The following PDE1A variants were observed in gnomAD, a reference collection of about 807,000 sequenced individuals.
PDE1A encodes the protein dual specificity calcium/calmodulin-dependent 3',5'-cyclic nucleotide phosphodiesterase 1A.
A neutral mutation model predicts 61.7 loss-of-function variants in PDE1A; 35 were observed. The ratio of observed to expected loss-of-function variants is 0.57; its 90% CI spans 0.43 to 0.75. The LOEUF (loss-of-function observed/expected upper bound fraction) is 0.75, where lower values mean the gene tolerates loss of function less well. Ranked by LOEUF, PDE1A falls within the 30% of genes least tolerant of loss-of-function variation. The pLI is 0.00. For missense variants in PDE1A, 597 were observed against 630.6 expected, an observed-to-expected ratio of 0.95 and a Z score of 0.57; for synonymous variants, 232 against 213.2, an observed-to-expected ratio of 1.09 and a Z score of -0.77.
intron 1 of PDE1A, among the ~76,000 whole-genome samples, chr2:182,299,820 T>C (rs1421958896): frequency 6.6e-6 from 1 of 152,170 alleles, no homozygotes; most frequent in Non-Finnish European, 1.5e-5. Context: ...TTGCTAACTT[T>C]CTTGCTGTCT....
At chr2:182,289,146 T>C (rs770215406) in intron 1 of PDE1A, among the ~76,000 whole-genome samples, 3 of 152,070 alleles carry the variant, frequency 2.0e-5, no homozygotes, top group Non-Finnish European at 2.9e-5. Context: ...ACAACACCAA[T>C]ATTTACCTAT....
chr2:182,305,876 T>C (rs932102886), intron 1 of PDE1A, among the ~76,000 whole-genome samples: 1 of 152,146 alleles, frequency 6.6e-6, no homozygotes, highest in African/African-American at 2.4e-5. Flanking sequence ...ACATTTACTA[T>C]TTTTTGTGAT....
chr2:182,224,703 A>G (rs1240961195), intron 6 of PDE1A, among the ~76,000 whole-genome samples: 1 of 151,906 alleles, frequency 6.6e-6, no homozygotes, highest in Non-Finnish European at 1.5e-5. Context: ...CTTATACTGT[A>G]CTACCCAATA....
Position 182,200,859 on chromosome 2 carries a change from T to C in PDE1A, c.1125+580A>G, listed in dbSNP as rs141568016. Among the ~76,000 whole-genome samples the C allele has an allele frequency of 2.4e-4, 36 of 152,344 alleles. No homozygotes were observed. The East Asian group carries it at 6.2e-3, about 26-fold the overall frequency. On this transcript the variant is annotated intron_variant, in intron 10 of 13. Transcript: ENST00000351439. ...AGTGGTTAGCATCACATTTGTATTG[T>C]AGCACTCCAGCTTGGATTGTGGGGG...
chr2:182,562,487 G>T, the PDE1A span, among the ~76,000 whole-genome samples: 1 of 151,476 alleles, frequency 6.6e-6, no homozygotes, highest in African/African-American at 2.4e-5. Context: ...TTGCATCAAT[G>T]TTCATCAAGG....
the PDE1A span, among the ~76,000 whole-genome samples, chr2:182,589,257 A>AAAGG: frequency 8.1e-6 from 1 of 122,888 alleles, no homozygotes; most frequent in Non-Finnish European, 1.7e-5. Context: ...GAAAAGAAGG[A>AAAGG]AGGGAGGGAG....
chr2:182,384,545 C>T (rs1490490290), intron 1 of PDE1A, among the ~76,000 whole-genome samples: 1 of 149,990 alleles, frequency 6.7e-6, no homozygotes, highest in Non-Finnish European at 1.5e-5. Context: ...ATTAAAAATG[C>T]TATAGAGAGT....
intron 13 of PDE1A, among the ~76,000 whole-genome samples, chr2:182,172,773 G>C (rs1692351587): frequency 6.6e-6 from 1 of 152,044 alleles, no homozygotes; most frequent in South Asian, 2.1e-4. Context: ...TTAATAAGCA[G>C]AATGGAGGAG....
intron 1 of PDE1A, among the ~76,000 whole-genome samples, chr2:182,354,350 G>T (rs530942248): frequency 6.6e-6 from 1 of 152,258 alleles, no homozygotes; most frequent in African/African-American, 2.4e-5. Flanking sequence ...TTGAAAGCGA[G>T]AACAGGGGCA....
At chr2:182,647,525 A>G in the PDE1A span, among the ~76,000 whole-genome samples, 2 of 152,326 alleles carry the variant, frequency 1.3e-5, no homozygotes, top group East Asian at 1.9e-4. Context: ...GAGGTAGTCT[A>G]TTAAGAGTTA....
At chr2:182,332,950 C>T (rs990183779) in intron 1 of PDE1A, among the ~76,000 whole-genome samples, 8 of 152,182 alleles carry the variant, frequency 5.3e-5, no homozygotes, top group African/African-American at 1.4e-4. Flanking sequence ...GATAAACAGA[C>T]TTTAAGCCAA....
intron 2 of PDE1A, among the ~76,000 whole-genome samples, chr2:182,448,490 A>G (rs918583456): frequency 6.6e-6 from 1 of 152,064 alleles, no homozygotes; most frequent in Non-Finnish European, 1.5e-5. Flanking sequence ...TTTAGAACCC[A>G]ACAGAAATGT....
At chr2:182,155,851 A>AGG (rs1691051925) in intron 13 of PDE1A, among the ~76,000 whole-genome samples, 1 of 152,200 alleles carries the variant, frequency 6.6e-6, no homozygotes, top group African/African-American at 2.4e-5. Context: ...AGATTGCACC[A>AGG]TTGCACTCCA....
intron 1 of PDE1A, among the ~76,000 whole-genome samples, chr2:182,376,562 C>T (rs534450369): frequency 1.3e-5 from 2 of 152,340 alleles, no homozygotes; most frequent in Non-Finnish European, 2.9e-5. Flanking sequence ...GACTTCCAAA[C>T]TTTCCCACAT....
the PDE1A span, among the ~76,000 whole-genome samples, chr2:182,668,677 C>T: frequency 2.0e-4 from 30 of 152,086 alleles, no homozygotes; most frequent in Non-Finnish European, 3.7e-4. Flanking sequence ...GCCTTTGTCT[C>T]GGCTGCCTGC....
chr2:182,405,071 T>C (rs989692258), intron 1 of PDE1A, among the ~76,000 whole-genome samples: 25 of 152,248 alleles, frequency 1.6e-4, no homozygotes, highest in Admixed American at 1.1e-3. Context: ...AGTAATGCAT[T>C]GTGCTATCAC....
chr2:182,148,038 T>C (rs1419267538), intron 13 of PDE1A, among the ~76,000 whole-genome samples: 1 of 152,218 alleles, frequency 6.6e-6, no homozygotes, highest in Non-Finnish European at 1.5e-5. Context: ...AACAATTTTG[T>C]CTTTACGATA....
chr2:182,654,922 G>A, the PDE1A span, among the ~76,000 whole-genome samples: 1 of 152,090 alleles, frequency 6.6e-6, no homozygotes, highest in Non-Finnish European at 1.5e-5. Context: ...ACTTGCCACA[G>A]GTCCCAGTGG....
chr2:182,207,017 T>C (rs151049302), intron 7 of PDE1A, among the ~76,000 whole-genome samples: 151 of 152,306 alleles, frequency 9.9e-4, no homozygotes, highest in Non-Finnish European at 1.6e-3. Flanking sequence ...TAGTTCTTTA[T>C]AGCAGTATGA....
Sources: allele counts gnomAD v4.1 joint callset (sites outside exome capture counted in the v4.1 genomes callset), GRCh38; gene constraint gnomAD v4.1.1; transcripts MANE v1.5; gene names NCBI Gene and HGNC (gene_info 2026-07-23, HGNC 2026-07-21).